The following UBAC1 variants were observed in gnomAD, a reference collection of about 807,000 sequenced individuals.
UBAC1 encodes UBA domain containing 1.
UBAC1 carries 27 observed loss-of-function variants against 45.9 expected under a neutral mutation model. That is an observed-to-expected ratio of 0.59 (90% CI 0.43 to 0.81). The LOEUF is 0.81. Ranked by LOEUF, UBAC1 falls within the 30% of genes least tolerant of loss-of-function variation. The pLI, the probability that UBAC1 is intolerant of heterozygous loss-of-function variation, is 0.00. For missense variants in UBAC1, 529 were observed against 539.2 expected (o/e 0.98, Z 0.19); for synonymous variants, 227 against 215.5 (o/e 1.05, Z -0.47).
At position 135,955,679 on chromosome 9, in the gene UBAC1, G is replaced by A. The variant is rs183225493; in HGVS notation, c.139-264C>T. ...ATACCACACCCTACTGACAATTCGC[G>A]GCCACCAGAATTGCTTCTTTGGTCT... On this transcript the variant is annotated intron_variant, in intron 1 of 9. Transcript: ENST00000371756. Among the ~76,000 whole-genome samples, 1,205 of 152,270 alleles carry A rather than the reference G, an allele frequency of 7.9e-3. 11 individuals are homozygous for A. Among genetic ancestry groups the A allele is most frequent in the African/African-American group, 0.027 (1,133 of 41,544 alleles).
At chr9:135,936,844 G>C (rs1839207554) in intron 9 of UBAC1, among the ~76,000 whole-genome samples, 1 of 152,168 alleles carries the variant, frequency 6.6e-6, no homozygotes, top group South Asian at 2.1e-4. Flanking sequence ...CAGACACACT[G>C]AAGGACATCA....
rs7028495 is a variant in UBAC1 at position 135,946,294 on chromosome 9, T to C, written c.519A>G (p.Ala173=). Residue 173 remains alanine (A), a synonymous_variant, in exon 5 of 10, where the codon GCA becomes GCG. Coordinates refer to ENST00000371756, the MANE Select transcript of UBAC1 (RefSeq NM_016172.3). ...CATTCGCCTTCTTAAACAATTCCAC[T>C]GCATCTGGGTTCAGCGCTAACAGCT... is the stretch of plus-strand genomic sequence containing the variant. ...AQKLLALNPD[A]VELFKKANAM... The C allele has an allele frequency of 1, 1,608,008 of 1,613,522 alleles. 801,399 individuals carry two copies. Among genetic ancestry groups the C allele is most frequent in the East Asian group, 1 (44,884 of 44,884 alleles).
chr9:135,933,353 G>C lies in UBAC1; in HGVS notation c.*47C>G, dbSNP rs112188768. On this transcript the variant is annotated 3_prime_UTR_variant, in exon 10 of 10. Transcript: ENST00000371756. ...GGTCCACTCTGCCCGGTCTCGGGCC[G>C]CACCAGGGGGCTGCTGTGGCCTGAT... is the stretch of plus-strand genomic sequence containing the variant. The C allele has an allele frequency of 6.5e-7, 1 of 1,534,678 alleles. No homozygotes were observed. Among genetic ancestry groups the C allele is most frequent in the Admixed American group, 1.7e-5 (1 of 59,824 alleles).
intron 3 of UBAC1, among the ~76,000 whole-genome samples, chr9:135,949,830 G>A (rs1164867531): frequency 3.3e-5 from 5 of 152,256 alleles, no homozygotes; most frequent in East Asian, 1.9e-4. Context: ...CGGCACAGCC[G>A]ACTGTGGGGA....
chr9:135,960,869 G>A (rs1839525718), intron 1 of UBAC1, among the ~76,000 whole-genome samples, 156 bp downstream of exon 1: 1 of 152,164 alleles, frequency 6.6e-6, no homozygotes, highest in African/African-American at 2.4e-5. Flanking sequence ...GGGCAAACGG[G>A]CAGGAGGCGC....
intron 9 of UBAC1, among the ~76,000 whole-genome samples, chr9:135,937,293 T>C (rs557918949): frequency 8.6e-5 from 13 of 151,568 alleles, no homozygotes; most frequent in African/African-American, 3.1e-4. Context: ...TACGAAAAAT[T>C]AGCCAGGCGT....
chr9:135,944,582 AGGCGGCT>A (rs1445271125), intron 7 of UBAC1, among the ~76,000 whole-genome samples: 1 of 152,172 alleles, frequency 6.6e-6, no homozygotes, highest in Non-Finnish European at 1.5e-5. Context: ...TGTGCCATGG[AGGCGGCT>A]GGCAGCCTGA....
Position 135,961,159 on chromosome 9 carries a change from A to G in UBAC1, c.4T>C (p.Phe2Leu). The G allele has an allele frequency of 6.4e-7, 1 of 1,558,238 alleles. No homozygotes were observed. The highest frequency in any genetic ancestry group is 8.6e-7 in the Non-Finnish European group (1 of 1,160,064). ...GCGAAGATCTTCTCCTCCTGCACGA[A>G]CATCCCGCCGCCGCCGCAGGGGCCT... The part of the protein sequence containing the change: M[F>L]VQEEKIFAGK... Residue 2 changes from phenylalanine (F) to leucine (L), a missense_variant, in exon 1 of 10, where the codon TTC becomes CTC. Coordinates refer to ENST00000371756, the MANE Select transcript of UBAC1 (RefSeq NM_016172.3).
intron 3 of UBAC1, among the ~76,000 whole-genome samples, chr9:135,949,290 C>T (rs1839378025): frequency 6.6e-6 from 1 of 152,116 alleles, no homozygotes. Flanking sequence ...GAAAACACGC[C>T]TACCAGCCAA....
chr9:135,935,802 G>C (rs913473201), intron 9 of UBAC1, among the ~76,000 whole-genome samples: 2 of 152,110 alleles, frequency 1.3e-5, no homozygotes, highest in Admixed American at 6.6e-5. Context: ...CGAGACGGGC[G>C]GATCACGAGG....
intron 7 of UBAC1, among the ~76,000 whole-genome samples, chr9:135,943,555 T>G (rs1462345967): frequency 6.6e-6 from 1 of 152,162 alleles, no homozygotes; most frequent in Non-Finnish European, 1.5e-5. Flanking sequence ...TGGTGATTCC[T>G]CAAAGACCTA....
At chr9:135,948,134 T>G in intron 3 of UBAC1, 3 of 485,590 alleles carry the variant, frequency 6.2e-6, no homozygotes. Flanking sequence ...AAGCGGTAGG[T>G]GAGGGGCAGA....
chr9:135,945,808 A>G, intron 6 of UBAC1, 81 bp downstream of exon 6: 2 of 1,094,260 alleles, frequency 1.8e-6, no homozygotes, highest in East Asian at 2.5e-5. Flanking sequence ...TTAGGGTAGG[A>G]GGACGTCACC....
intron 1 of UBAC1, among the ~76,000 whole-genome samples, chr9:135,960,222 A>G (rs1010919406): frequency 1.3e-5 from 2 of 152,216 alleles, no homozygotes; most frequent in African/African-American, 4.8e-5. Context: ...TGACACACAG[A>G]CAGGCTTCTT....
chr9:135,938,755 G>A (rs938281611), intron 8 of UBAC1, among the ~76,000 whole-genome samples: 6 of 151,820 alleles, frequency 4.0e-5, no homozygotes, highest in African/African-American at 1.5e-4. Context: ...TGAGGACACA[G>A]GCTCCTCATC....
intron 1 of UBAC1, among the ~76,000 whole-genome samples, chr9:135,959,695 C>T (rs1839509412): frequency 6.6e-6 from 1 of 152,070 alleles, no homozygotes; most frequent in Non-Finnish European, 1.5e-5. Context: ...TTAAAATACA[C>T]ACAACTAGAC....
At chr9:135,939,865 C>A in intron 7 of UBAC1, 106 bp from the exon 8 acceptor site, 2 of 859,004 alleles carry the variant, frequency 2.3e-6, no homozygotes, top group South Asian at 1.5e-5. Flanking sequence ...GGAGGGTGCT[C>A]CCAACAGCAC....
intron 3 of UBAC1, among the ~76,000 whole-genome samples, chr9:135,953,035 G>A (rs1189280760): frequency 1.3e-5 from 2 of 152,182 alleles, no homozygotes; most frequent in Admixed American, 6.5e-5. Flanking sequence ...TGCTTGAAAA[G>A]AGGAGGGAAC....
chr9:135,940,977 C>T (rs770921508), intron 7 of UBAC1, among the ~76,000 whole-genome samples: 2 of 152,214 alleles, frequency 1.3e-5, no homozygotes, highest in African/African-American at 2.4e-5. Context: ...CACTGCACCC[C>T]GCGGACGGTG....
Sources: allele counts gnomAD v4.1 joint callset (sites outside exome capture counted in the v4.1 genomes callset), GRCh38; gene constraint gnomAD v4.1.1; transcripts MANE v1.5; gene names NCBI Gene and HGNC (gene_info 2026-07-23, HGNC 2026-07-21).